PHEX: variants seen among roughly 807,000 people sequenced by gnomAD.
The protein encoded by PHEX is phosphate regulating endopeptidase X-linked.
Under a neutral mutation model 68.0 loss-of-function variants are expected in PHEX, and 16 were observed. That is an observed-to-expected ratio of 0.24 (90% CI 0.16 to 0.36). The LOEUF is 0.36. PHEX is among the 10% of genes least tolerant of loss of function. PHEX has a pLI of 1.00. For synonymous variants in PHEX, 208 were observed against 205.1 expected, an observed-to-expected ratio of 1.01 and a Z score of -0.12; for missense variants, 480 against 575.5, an observed-to-expected ratio of 0.83 and a Z score of 1.70.
At chrX:22,081,461 C>T (rs1569383019) in intron 5 of PHEX, among the ~76,000 whole-genome samples, 1 of 111,637 alleles carries the variant, frequency 9.0e-6, no homozygotes, top group Non-Finnish European at 1.9e-5. Context: ...CCCTCAATGT[C>T]GTTAGGCTTC....
At chrX:22,224,972 T>TATTATCATACAGCGCTGTATGATTC (rs1935414330) in intron 18 of PHEX, among the ~76,000 whole-genome samples, 2 of 113,359 alleles carry the variant, frequency 1.8e-5, no homozygotes, top group African/African-American at 6.4e-5. Flanking sequence ...CTGTATGATT[T>TATTATCATACAGCGCTGTATGATTC]ATTATCATAC....
intron 19 of PHEX, 109 bp downstream of exon 19, chrX:22,226,617 A>G: frequency 3.3e-6 from 2 of 607,118 alleles, no homozygotes; most frequent in Non-Finnish European, 5.7e-6. Context: ...AGTTAGTTAG[A>G]TATTATGGAA....
At chrX:22,063,939 C>A (rs758280376) in intron 3 of PHEX, among the ~76,000 whole-genome samples, 160 of 112,422 alleles carry the variant, frequency 1.4e-3, no homozygotes, top group African/African-American at 5.0e-3. Flanking sequence ...AGAGAATATG[C>A]AAACACTGCA....
At chrX:22,139,826 A>C (rs952908538) in intron 12 of PHEX, among the ~76,000 whole-genome samples, 1 of 110,162 alleles carries the variant, frequency 9.1e-6, no homozygotes, top group Non-Finnish European at 1.9e-5. Flanking sequence ...AGTGTGAGCC[A>C]CTGCCACACC....
intron 13 of PHEX, among the ~76,000 whole-genome samples, chrX:22,177,599 G>T (rs1278996442): frequency 8.9e-6 from 1 of 111,953 alleles, no homozygotes; most frequent in Non-Finnish European, 1.9e-5. Flanking sequence ...CAACATTGTT[G>T]TGAGCTGCTA....
At chrX:22,204,384 G>A (rs1049727053) in intron 15 of PHEX, among the ~76,000 whole-genome samples, 2 of 112,022 alleles carry the variant, frequency 1.8e-5, no homozygotes, top group Non-Finnish European at 1.9e-5. Flanking sequence ...CTACTCCCAC[G>A]TATCCAGTAT....
chrX:22,245,683 A>G (rs1450563074), intron 21 of PHEX, among the ~76,000 whole-genome samples: 1 of 112,207 alleles, frequency 8.9e-6, no homozygotes, highest in Admixed American at 9.5e-5. Context: ...ATCAAGTGCC[A>G]GTGAGACTAT....
chrX:22,039,311 C>T (rs1213587530), intron 2 of PHEX, among the ~76,000 whole-genome samples: 1 of 112,428 alleles, frequency 8.9e-6, no homozygotes, highest in Non-Finnish European at 1.9e-5. Context: ...TCAAACTTCT[C>T]TTGAGGTGAC....
At chrX:22,177,274 T>C (rs932141482) in intron 13 of PHEX, among the ~76,000 whole-genome samples, 4 of 111,925 alleles carry the variant, frequency 3.6e-5, no homozygotes, top group Admixed American at 2.9e-4. Context: ...GTATTTTACT[T>C]TTTGCTTTTA....
At chrX:22,180,238 T>G (rs934642300) in intron 14 of PHEX, among the ~76,000 whole-genome samples, 1 of 111,119 alleles carries the variant, frequency 9.0e-6, no homozygotes, top group Non-Finnish European at 1.9e-5. Flanking sequence ...CCTCTGCCAG[T>G]TGCTCTGTGT....
chrX:22,168,406 C>G lies in PHEX; in HGVS notation c.1482+17C>G. On this transcript the variant is annotated intron_variant, in intron 13 of 21. Coordinates refer to ENST00000379374, the MANE Select transcript of PHEX (RefSeq NM_000444.6). ...CTCAAAGCTGTAAGTGCTAAATTTACTGTACTTTTTTTTTTCTGGCAAGTT... is the reference window on the plus strand; with the variant it reads ...CTCAAAGCTGTAAGTGCTAAATTTAGTGTACTTTTTTTTTTCTGGCAAGTT... 1 of 1,079,935 alleles carries G rather than the reference C, an allele frequency of 9.3e-7. No homozygotes were observed. The highest frequency in any genetic ancestry group is 1.3e-6 in the Non-Finnish European group (1 of 775,754). 89.0% of individuals were successfully genotyped at this position (1,079,935 alleles called of 1,213,427 possible). A position where few individuals can be genotyped will look rare whatever the true frequency, so the allele number is the denominator to read the frequency against.
intron 12 of PHEX, among the ~76,000 whole-genome samples, chrX:22,134,738 G>T (rs1490955339): frequency 8.9e-6 from 1 of 112,212 alleles, no homozygotes; most frequent in East Asian, 2.8e-4. Flanking sequence ...AGGTATTTTT[G>T]AAAGCTTCCT....
Position 22,047,155 on chromosome X carries a change from T to A in PHEX, c.293T>A (p.Met98Lys), listed in dbSNP as rs1207505931. ...WISNNPIPED[M>K]PSYGVYPWLR... ...AGCAATAATCCAATTCCCGAAGATA[T>A]GCCAAGCTATGGGGTTTATCCTTGG... The change falls in exon 3 of 22, where the codon ATG becomes AAG. Residue 98 changes from methionine to lysine, a missense_variant. Physicochemically the swap from Met to Lys is moderately conservative, Grantham distance 95 (BLOSUM62 -1). Transcript: ENST00000379374. The A allele has an allele frequency of 1.7e-6, 2 of 1,207,147 alleles. No individual in the cohort carries two copies. Among genetic ancestry groups the A allele is most frequent in the Non-Finnish European group, 2.2e-6 (2 of 892,682 alleles).
At chrX:22,181,283 A>C (rs1933874920) in intron 14 of PHEX, among the ~76,000 whole-genome samples, 2 of 112,159 alleles carry the variant, frequency 1.8e-5, no homozygotes, top group South Asian at 7.4e-4. Context: ...CTGTCTTTTG[A>C]ATAAAAGCCA....
intron 12 of PHEX, among the ~76,000 whole-genome samples, chrX:22,156,999 C>T (rs1187585825): frequency 1.8e-5 from 2 of 111,025 alleles, no homozygotes; most frequent in African/African-American, 3.3e-5. Context: ...CCTTCTGCCT[C>T]GGCCTCCCAG....
At chrX:22,093,041 C>T (rs73635600) in intron 6 of PHEX, among the ~76,000 whole-genome samples, 9,242 of 111,531 alleles carry the variant, frequency 0.083, 624 homozygotes, top group African/African-American at 0.22. Flanking sequence ...TGAGCCACCA[C>T]GCCCAGCCTA....
intron 18 of PHEX, 57 bp from the exon 19 acceptor site, chrX:22,226,386 A>T: frequency 1.2e-6 from 1 of 830,955 alleles, no homozygotes; most frequent in Non-Finnish European, 1.8e-6. Context: ...TTGCTGAATG[A>T]TAGTTGACCG....
intron 6 of PHEX, among the ~76,000 whole-genome samples, chrX:22,091,733 T>C (rs1035146085): frequency 8.9e-6 from 1 of 112,026 alleles, no homozygotes; most frequent in Non-Finnish European, 1.9e-5. Context: ...ATTAGTCCAT[T>C]CTTTTTCTCC....
At chrX:22,123,196 C>T (rs1330059820) in intron 11 of PHEX, among the ~76,000 whole-genome samples, 2 of 109,074 alleles carry the variant, frequency 1.8e-5, no homozygotes, top group African/African-American at 6.7e-5. Context: ...GGCGTGTTGT[C>T]CAGGCTGGTC....
Sources: allele counts gnomAD v4.1 joint callset (sites outside exome capture counted in the v4.1 genomes callset), GRCh38; gene constraint gnomAD v4.1.1; transcripts MANE v1.5; gene names NCBI Gene and HGNC (gene_info 2026-07-23, HGNC 2026-07-21).